The following VWA2 variants were observed in gnomAD, a reference collection of about 807,000 sequenced individuals.
VWA2 encodes the protein von Willebrand factor A domain containing 2.
Under a neutral mutation model 70.4 loss-of-function variants are expected in VWA2, and 73 were observed. The observed-to-expected ratio is 1.04, with a 90% CI of 0.86 to 1.26. The LOEUF is 1.26. VWA2 is among the 50% of genes most tolerant of loss of function. The probability of loss-of-function intolerance (pLI) is 0.00; values close to 1 mark genes in which losing one functional copy is unlikely to be tolerated. For synonymous variants in VWA2, 407 were observed against 423.3 expected, an observed-to-expected ratio of 0.96 and a Z score of 0.47; for missense variants, 1,011 against 998.5, an observed-to-expected ratio of 1.01 and a Z score of -0.17.
intron 5 of VWA2, among the ~76,000 whole-genome samples, chr10:114,262,321 T>C (rs112041677): frequency 1.8e-3 from 265 of 149,548 alleles, no homozygotes; most frequent in African/African-American, 5.1e-3. Context: ...TATATATACA[T>C]ATAATATATA....
At chr10:114,245,518 C>T (rs1045587407) in intron 1 of VWA2, among the ~76,000 whole-genome samples, 1 of 152,164 alleles carries the variant, frequency 6.6e-6, no homozygotes, top group African/African-American at 2.4e-5. Flanking sequence ...CATTGAGAAG[C>T]TCTTCACCGC....
At chr10:114,290,129 G>A in intron 12 of VWA2, 111 bp from the exon 13 acceptor site, 2 of 1,421,944 alleles carry the variant, frequency 1.4e-6, no homozygotes, top group South Asian at 2.8e-5. Context: ...CGGGGCAAAG[G>A]GAGACATGAC....
chr10:114,284,923 G>C lies in VWA2; in HGVS notation c.950G>C (p.Gly317Ala). 6 of 1,605,364 alleles carry C rather than the reference G, an allele frequency of 3.7e-6. No individual in the cohort carries two copies. Among genetic ancestry groups the C allele is most frequent in the Non-Finnish European group, 4.2e-6 (5 of 1,177,038 alleles). Residue 317 changes from glycine to alanine, a missense_variant, in exon 10 of 14, where the codon GGC (glycine) becomes GCC (alanine). Gly to Ala is a moderately conservative substitution (Grantham distance 60). Transcript: ENST00000392982. ...ACATGTGTTCCAGAAGGACTGGACG[G>C]CTACCAGTGCCTCTGCCCGCTGGCC... is the stretch of plus-strand genomic sequence containing the variant. ...GGTCVPEGLD[G>A]YQCLCPLAFG...
At chr10:114,279,176 C>T (rs2037934151) in intron 8 of VWA2, among the ~76,000 whole-genome samples, 2 of 152,114 alleles carry the variant, frequency 1.3e-5, no homozygotes. Flanking sequence ...TAATTTGGTT[C>T]CTCTGAGCAC....
intron 3 of VWA2, 71 bp downstream of exon 3, chr10:114,253,796 A>G: frequency 1.4e-6 from 2 of 1,412,418 alleles, no homozygotes; most frequent in Non-Finnish European, 2.0e-6. Flanking sequence ...GATGAGAACC[A>G]TGTTCTTCCA....
chr10:114,253,098 C>G (rs2133300568), intron 2 of VWA2, among the ~76,000 whole-genome samples: 1 of 149,452 alleles, frequency 6.7e-6, no homozygotes, highest in African/African-American at 2.5e-5. Context: ...TTCTGGGGAT[C>G]CCTTATTGTC....
intron 3 of VWA2, 72 bp from the exon 4 acceptor site, chr10:114,254,843 G>T (rs2037286821): frequency 1.9e-6 from 3 of 1,578,066 alleles, no homozygotes; most frequent in Non-Finnish European, 2.6e-6. Flanking sequence ...AAGGCTGTTT[G>T]TGCCTTCACT....
chr10:114,289,702 A>G, intron 12 of VWA2: 2 of 596,264 alleles, frequency 3.4e-6, no homozygotes, highest in South Asian at 4.0e-5. Flanking sequence ...AAGTTTAACT[A>G]ACATAGATAA....
rs759139877 is a variant in VWA2 at position 114,261,175 on chromosome 10, T to A, written c.262-11T>A. 3 of 1,604,292 alleles carry A rather than the reference T, an allele frequency of 1.9e-6. No individual in the cohort carries two copies. Among genetic ancestry groups the A allele is most frequent in the Non-Finnish European group, 2.6e-6 (3 of 1,171,712 alleles). Reference sequence around the variant, plus strand: ...GTCTCGGGGCCCTGAGCCCCCTGTCTCCTACTGCAGGTCAGAGTGGGAGCA... The same window carrying A: ...GTCTCGGGGCCCTGAGCCCCCTGTCACCTACTGCAGGTCAGAGTGGGAGCA... On this transcript the variant is annotated splice_polypyrimidine_tract_variant and intron_variant, in intron 4 of 13. Transcript: ENST00000392982.
intron 10 of VWA2, 128 bp downstream of exon 10, chr10:114,285,098 A>G (rs1034967930): frequency 1.5e-6 from 1 of 668,218 alleles, no homozygotes; most frequent in Non-Finnish European, 2.4e-6. Flanking sequence ...TTTCCAATGC[A>G]CCACTGGTCT....
At position 114,289,372 on chromosome 10, in the gene VWA2, C is replaced by G; in HGVS notation, c.2005C>G (p.Pro669Ala). The change falls in exon 12 of 14, where the codon CCT becomes GCT. Residue 669 changes from proline (P) to alanine (A), a missense_variant. Pro to Ala is a conservative substitution (Grantham distance 27). Transcript: ENST00000392982. ...GISVLVVGVG[P>A]VLSEGLRRLA... ...CTCTGTCTTGGTCGTGGGCGTGGGG[C>G]CTGTCCTAAGTGAGGGTCTGCGGAG... 6.2e-7 allele frequency: 1 copy of G among 1,614,232 alleles called. No individual in the cohort carries two copies. The highest frequency in any genetic ancestry group is 8.5e-7 in the Non-Finnish European group (1 of 1,180,046).
chr10:114,278,066 G>GA lies in VWA2; in HGVS notation c.700+20dup. 1 of 1,603,102 alleles carries GA rather than the reference G, an allele frequency of 6.2e-7. No individual in the cohort carries two copies. Among genetic ancestry groups the GA allele is most frequent in the Non-Finnish European group, 8.5e-7 (1 of 1,171,794 alleles). On this transcript the variant is annotated intron_variant, in intron 7 of 13. Transcript: ENST00000392982. ...ACGCCAGGTAAGATCTTCCAGCCTGGAGGGAGTGGAAGTGCCATGTGGGGT... is the reference window on the plus strand; with the variant it reads ...ACGCCAGGTAAGATCTTCCAGCCTGGAAGGGAGTGGAAGTGCCATGTGGGGT...
chr10:114,250,100 C>G (rs1466023863), intron 2 of VWA2, among the ~76,000 whole-genome samples: 2 of 152,218 alleles, frequency 1.3e-5, no homozygotes, highest in Non-Finnish European at 2.9e-5. Flanking sequence ...CAAGTCACAT[C>G]CCCCTCTTCA....
chr10:114,273,543 T>C (rs371133301), intron 6 of VWA2, among the ~76,000 whole-genome samples: 1 of 152,264 alleles, frequency 6.6e-6, no homozygotes, highest in Non-Finnish European at 1.5e-5. Context: ...GCTGGGCAAA[T>C]AGGCTTTCCT....
At position 114,289,035 on chromosome 10, in the gene VWA2, C is replaced by T. The variant is rs769160519; in HGVS notation, c.1668C>T (p.Ser556=). ...NFAQMQSFVR[S]CALQFEVNPD... is the part of the protein sequence containing the mutation. Reference sequence around the variant, plus strand: ...CTCAGATGCAGAGCTTTGTGAGAAGCTGTGCCCTCCAGTTTGAGGTGAACC... The same window carrying T: ...CTCAGATGCAGAGCTTTGTGAGAAGTTGTGCCCTCCAGTTTGAGGTGAACC... The change falls in exon 12 of 14, where the codon AGC becomes AGT. Residue 556 remains serine, a synonymous_variant. Coordinates refer to ENST00000392982, the MANE Select transcript of VWA2 (RefSeq NM_001272046.2). 2.5e-6 allele frequency: 4 copies of T among 1,614,216 alleles called. No homozygotes were observed. The South Asian group carries it at 3.3e-5, about 13-fold the overall frequency.
intron 5 of VWA2, among the ~76,000 whole-genome samples, chr10:114,269,295 G>T (rs2037652492): frequency 6.6e-6 from 1 of 152,164 alleles, no homozygotes; most frequent in Non-Finnish European, 1.5e-5. Context: ...AGAAAATCTG[G>T]ATGGGCCAGG....
In VWA2 at chr10:114,289,207, CT is replaced by C. The variant is rs1564747354; in HGVS notation, c.1841del (p.Leu614ArgfsTer8). ...TGGGGTGGGCTCAGCCGGCACCGCC[CT>C]GCTGCACATCTATGACAAAGTGATG... is the stretch of plus-strand genomic sequence containing the variant. ...LGGVGSAGTA[L>X]LHIYDKVMTV... On this transcript the variant is annotated frameshift_variant, in exon 12 of 14. Coordinates refer to ENST00000392982, the MANE Select transcript of VWA2 (RefSeq NM_001272046.2). LOFTEE classifies it high-confidence loss of function. The C allele has an allele frequency of 6.2e-7, 1 of 1,613,722 alleles. No individual in the cohort carries two copies. Among genetic ancestry groups the C allele is most frequent in the Non-Finnish European group, 8.5e-7 (1 of 1,179,842 alleles).
chr10:114,291,098 T>G, intron 13 of VWA2, 120 bp from the exon 14 acceptor site: 1 of 1,191,880 alleles, frequency 8.4e-7, no homozygotes, highest in African/African-American at 1.5e-5. Context: ...TGGCATCTTC[T>G]GCTGGGGGCG....
At chr10:114,286,978 G>A (rs1389967567) in intron 11 of VWA2, among the ~76,000 whole-genome samples, 1 of 152,130 alleles carries the variant, frequency 6.6e-6, no homozygotes, top group Non-Finnish European at 1.5e-5. Context: ...ACACGCGCTG[G>A]TGCAGCCACA....
Sources: gnomAD v4.1 joint callset for allele counts (sites outside exome capture counted in the v4.1 genomes callset) on GRCh38, gnomAD v4.1.1 for gene constraint, MANE v1.5 for transcripts, NCBI Gene and HGNC (gene_info 2026-07-23, HGNC 2026-07-21) for gene names.